VEZT: variants seen among roughly 807,000 people sequenced by gnomAD.
VEZT encodes vezatin.
In VEZT, 39 loss-of-function variants were observed where a neutral mutation model predicts 79.9. The observed-to-expected ratio is 0.49, with a 90% CI of 0.38 to 0.64. The LOEUF (loss-of-function observed/expected upper bound fraction) is 0.64. Among genes scored for constraint, VEZT ranks in the 30% least tolerant of loss-of-function variants. The pLI is 0.00. For synonymous variants in VEZT, 325 were observed against 327.6 expected (o/e 0.99, Z 0.09); for missense variants, 837 against 893.1 (o/e 0.94, Z 0.80).
At chr12:95,281,883 CT>C (rs2069218875) in intron 7 of VEZT, among the ~76,000 whole-genome samples, 1 of 151,832 alleles carries the variant, frequency 6.6e-6, no homozygotes, top group South Asian at 2.1e-4. Context: ...AGGTAATAGT[CT>C]TATTTTGAAA....
chr12:95,282,491 T>A lies in VEZT; in HGVS notation c.1175T>A (p.Leu392His). Reference sequence around the variant, plus strand: ...GCTCATTCTGCCTGTTTGGAAGAGCTTAAGCGCAGCTATGAGTTCTATCGG... The same window carrying A: ...GCTCATTCTGCCTGTTTGGAAGAGCATAAGCGCAGCTATGAGTTCTATCGG... ...PHAHSACLEE[L>H]KRSYEFYRYF... is the part of the protein sequence containing the mutation. Residue 392 changes from leucine (L) to histidine (H), a missense_variant, in exon 8 of 12, where the codon CTT becomes CAT. Transcript: ENST00000436874. The A allele has an allele frequency of 6.2e-7, 1 of 1,614,016 alleles. No individual in the cohort carries two copies. The highest frequency in any genetic ancestry group is 8.5e-7 in the Non-Finnish European group (1 of 1,179,890).
chr12:95,275,823 G>C (rs1398679747), intron 7 of VEZT: 2 of 152,042 alleles, frequency 1.3e-5, no homozygotes, highest in African/African-American at 4.8e-5. Context: ...ACCAGTTATA[G>C]ATTTCTTTGT....
At chr12:95,268,181 A>T (rs1452506876) in intron 5 of VEZT, among the ~76,000 whole-genome samples, 1 of 152,032 alleles carries the variant, frequency 6.6e-6, no homozygotes, top group Non-Finnish European at 1.5e-5. Flanking sequence ...TTAAAAGTTT[A>T]AAAAAATCAT....
intron 6 of VEZT, among the ~76,000 whole-genome samples, chr12:95,274,324 G>T (rs1248347195): frequency 3.9e-5 from 6 of 152,052 alleles, no homozygotes; most frequent in Non-Finnish European, 8.8e-5. Context: ...AAATCAGCTG[G>T]GTGTGGTGGC....
chr12:95,276,552 G>A (rs916372965), intron 7 of VEZT, among the ~76,000 whole-genome samples: 8 of 152,072 alleles, frequency 5.3e-5, no homozygotes, highest in African/African-American at 1.9e-4. Flanking sequence ...TAACAGGCAT[G>A]AGCCACCATG....
Position 95,282,503 on chromosome 12 carries a change from A to ATGAGTTCTATCG in VEZT, c.1188_1199dup (p.Glu397_Arg400dup). ...TGTTTGGAAGAGCTTAAGCGCAGCT[A>ATGAGTTCTATCG]TGAGTTCTATCGGTACTTTGAAACT... On this transcript the variant is annotated inframe_insertion, in exon 8 of 12. Transcript: ENST00000436874. 1 of 1,614,038 alleles carries ATGAGTTCTATCG rather than the reference A, an allele frequency of 6.2e-7. No homozygotes were observed. Among genetic ancestry groups the ATGAGTTCTATCG allele is most frequent in the South Asian group, 1.1e-5 (1 of 91,090 alleles).
intron 3 of VEZT, 147 bp from the exon 4 acceptor site, chr12:95,262,759 T>C: frequency 1.6e-6 from 1 of 621,626 alleles, no homozygotes; most frequent in Non-Finnish European, 2.4e-6. Context: ...CCAGCTATCA[T>C]ACTGAAGGTA....
intron 8 of VEZT, among the ~76,000 whole-genome samples, chr12:95,284,346 C>A (rs189282706): frequency 2.6e-5 from 4 of 152,138 alleles, no homozygotes; most frequent in African/African-American, 7.2e-5. Context: ...TCCTCTCCCC[C>A]TTGTGTTCTT....
chr12:95,280,194 A>G (rs1182693734), intron 7 of VEZT, among the ~76,000 whole-genome samples: 1 of 152,088 alleles, frequency 6.6e-6, no homozygotes, highest in Non-Finnish European at 1.5e-5. Flanking sequence ...TAACGCATAA[A>G]TCAGATTATG....
At chr12:95,235,580 C>T (rs867718237) in intron 1 of VEZT, among the ~76,000 whole-genome samples, 11 of 143,092 alleles carry the variant, frequency 7.7e-5, no homozygotes, top group African/African-American at 1.0e-4. Flanking sequence ...GGCGGCTGGC[C>T]GGGCAGAGGG....
chr12:95,298,414 A>C (rs1344574719), intron 11 of VEZT, among the ~76,000 whole-genome samples: 1 of 152,132 alleles, frequency 6.6e-6, no homozygotes, highest in Non-Finnish European at 1.5e-5. Context: ...CATACATCAG[A>C]GATTAATTTT....
chr12:95,234,663 T>A (rs947530055), intron 1 of VEZT, among the ~76,000 whole-genome samples: 10 of 152,026 alleles, frequency 6.6e-5, no homozygotes, highest in South Asian at 4.1e-4. Context: ...TTTTTTTGTT[T>A]TTTATTTATT....
chr12:95,300,613 T>C lies in VEZT; in HGVS notation c.2280T>C (p.Phe760=), dbSNP rs566609187. 111 of 1,609,470 alleles carry C rather than the reference T, an allele frequency of 6.9e-5. 2 individuals carry two copies. The South Asian group carries it at 1.2e-3, about 17-fold the overall frequency. Residue 760 remains phenylalanine, a synonymous_variant, in exon 12 of 12, where the codon TTT becomes TTC. Transcript: ENST00000436874. ...LSFTTMQEQT[F]GGEEEEQIIE... ...TTACCACCATGCAGGAACAGACTTTTGGTGGTGAGGAGGAAGAACAAATAA... is the reference window on the plus strand; with the variant it reads ...TTACCACCATGCAGGAACAGACTTTCGGTGGTGAGGAGGAAGAACAAATAA...
intron 1 of VEZT, among the ~76,000 whole-genome samples, chr12:95,227,850 GA>G (rs1449047346): frequency 6.6e-6 from 1 of 152,164 alleles, no homozygotes; most frequent in Non-Finnish European, 1.5e-5. Context: ...TTTTAAATCT[GA>G]AAGACTAATT....
chr12:95,276,278 T>C (rs1416803129), intron 7 of VEZT, among the ~76,000 whole-genome samples: 38 of 138,856 alleles, frequency 2.7e-4, no homozygotes, highest in African/African-American at 9.2e-4. Context: ...TTTTTTTTTT[T>C]TTTTTGAGAC....
intron 8 of VEZT, chr12:95,286,786 T>C (rs2071011448): frequency 1.1e-5 from 5 of 466,944 alleles, no homozygotes; most frequent in South Asian, 8.2e-5. Context: ...CTTTTTTACT[T>C]TTCCATTCTG....
At position 95,266,542 on chromosome 12, in the gene VEZT, T is replaced by C. The variant is rs765351540; in HGVS notation, c.620T>C (p.Met207Thr). 1.2e-6 allele frequency: 2 copies of C among 1,613,964 alleles called. No individual in the cohort carries two copies. Among genetic ancestry groups the C allele is most frequent in the Non-Finnish European group, 8.5e-7 (1 of 1,179,874 alleles). The change falls in exon 5 of 12, where the codon ATG becomes ACG. Residue 207 changes from methionine to threonine, a missense_variant. Physicochemically the swap from Met to Thr is moderately conservative, Grantham distance 81. Coordinates refer to ENST00000436874, the MANE Select transcript of VEZT (RefSeq NM_017599.4). ...LKKYSVHLEDMATNSRAFTNL... is the reference protein window; with the variant it reads ...LKKYSVHLEDTATNSRAFTNL... ...AAATACAGCGTTCATTTGGAAGATA[T>C]GGCCACAAACAGCCGAGCTTTTACT...
chr12:95,272,851 T>C (rs865989768), intron 6 of VEZT, among the ~76,000 whole-genome samples: 4 of 152,188 alleles, frequency 2.6e-5, no homozygotes, highest in African/African-American at 7.2e-5. Flanking sequence ...CATTCTCATG[T>C]GATCCTCCTG....
At chr12:95,277,866 A>G (rs1381425176) in intron 7 of VEZT, among the ~76,000 whole-genome samples, 6 of 152,272 alleles carry the variant, frequency 3.9e-5, no homozygotes, top group African/African-American at 1.4e-4. Flanking sequence ...AGAAAGAATT[A>G]TAGTATTTCA....
Sources: gnomAD v4.1 joint callset for allele counts (sites outside exome capture counted in the v4.1 genomes callset) on GRCh38, gnomAD v4.1.1 for gene constraint, MANE v1.5 for transcripts, NCBI Gene and HGNC (gene_info 2026-07-23, HGNC 2026-07-21) for gene names.